Variants in NRP2 observed in about 807,000 individuals in gnomAD.
NRP2 encodes neuropilin-2.
In NRP2, 52 loss-of-function variants were observed where a neutral mutation model predicts 110.4. That is an observed-to-expected ratio of 0.47 (90% CI 0.38 to 0.59). The LOEUF (loss-of-function observed/expected upper bound fraction) is 0.59, where lower values mean the gene tolerates loss of function less well. Ranked by LOEUF, NRP2 falls within the 20% of genes least tolerant of loss-of-function variation. The probability of loss-of-function intolerance (pLI) is 0.00; values close to 1 mark genes in which losing one functional copy is unlikely to be tolerated. For missense variants in NRP2, 1,049 were observed against 1,203.0 expected (o/e 0.87, Z 1.89); for synonymous variants, 508 against 468.9 (o/e 1.08, Z -1.08).
At chr2:205,743,774 GTC>G (rs1369322640) in intron 9 of NRP2, 1 of 945,346 alleles carries the variant, frequency 1.1e-6, no homozygotes, top group East Asian at 2.8e-5. Flanking sequence ...TTGAGATGGA[GTC>G]TCTGTCACCC....
intron 3 of NRP2, chr2:205,722,170 CA>C (rs1212155899): frequency 0.11 from 28,157 of 253,960 alleles, 548 homozygotes; most frequent in African/African-American, 0.14. Context: ...CTCTCTCTCT[CA>C]TACACACACA....
intron 15 of NRP2, among the ~76,000 whole-genome samples, chr2:205,790,278 T>G (rs1334672943): frequency 6.6e-6 from 1 of 152,198 alleles, no homozygotes; most frequent in Non-Finnish European, 1.5e-5. Flanking sequence ...GGCCGTGATC[T>G]CCTGTGATAA....
intron 8 of NRP2, among the ~76,000 whole-genome samples, chr2:205,740,898 C>T (rs1169623210): frequency 1.3e-5 from 2 of 152,210 alleles, no homozygotes; most frequent in African/African-American, 4.8e-5. Context: ...GGTACAGATG[C>T]CATTCTAAGC....
In NRP2 at chr2:205,796,457, CGCAT is replaced by C. The variant is rs923005740; in HGVS notation, c.*1403_*1406del. ...ACACATACACACATGCACGCACGCACGCATGCACACCAATTTATGTTTTTATTAA... is the reference window on the plus strand; with the variant it reads ...ACACATACACACATGCACGCACGCACGCACACCAATTTATGTTTTTATTAA... On this transcript the variant is annotated 3_prime_UTR_variant, in exon 17 of 17. Coordinates refer to ENST00000357785, the MANE Select transcript of NRP2 (RefSeq NM_003872.3). 2 of 152,502 alleles carry C rather than the reference CGCAT, an allele frequency of 1.3e-5. No individual in the cohort carries two copies. Among genetic ancestry groups the C allele is most frequent in the South Asian group, 2.1e-4 (1 of 4,832 alleles). The allele number at this position is 152,502 out of a possible 1,614,324, so 9.4% of individuals were successfully genotyped here.
chr2:205,743,158 C>T (rs752470835), intron 8 of NRP2, 45 bp from the exon 9 acceptor site: 2 of 1,603,044 alleles, frequency 1.2e-6, no homozygotes, highest in Admixed American at 3.3e-5. Flanking sequence ...CCCTGGTTAG[C>T]AGGTGTCAGC....
rs2058344776 is a variant in NRP2 at position 205,795,473 on chromosome 2, C to A, written c.*415C>A. On this transcript the variant is annotated 3_prime_UTR_variant, in exon 17 of 17. Coordinates refer to ENST00000357785, the MANE Select transcript of NRP2 (RefSeq NM_003872.3). ...TCCAGAATAGAAGTGGAGCAGTGATCATTATTCTCCGCTTTCTCTTTCTAA... is the reference window on the plus strand; with the variant it reads ...TCCAGAATAGAAGTGGAGCAGTGATAATTATTCTCCGCTTTCTCTTTCTAA... 6.6e-6 allele frequency: 1 copy of A among 152,226 alleles called. No individual in the cohort carries two copies. The highest frequency in any genetic ancestry group is 2.1e-4 in the South Asian group (1 of 4,814). The allele number at this position is 152,226 out of a possible 1,614,324, so 9.4% of individuals were successfully genotyped here. A position where few individuals can be genotyped will look rare whatever the true frequency, so the allele number is the denominator to read the frequency against.
chr2:205,790,191 T>C (rs1039006591), intron 15 of NRP2, among the ~76,000 whole-genome samples: 1 of 152,250 alleles, frequency 6.6e-6, no homozygotes, highest in Non-Finnish European at 1.5e-5. Flanking sequence ...ATCTGGGCAA[T>C]TGATTTCATT....
At chr2:205,710,611 A>G (rs554420974) in intron 2 of NRP2, among the ~76,000 whole-genome samples, 104 of 152,368 alleles carry the variant, frequency 6.8e-4, no homozygotes, top group African/African-American at 2.5e-3. Flanking sequence ...TACTGAGCCT[A>G]AGGAGCAGGT....
intron 7 of NRP2, among the ~76,000 whole-genome samples, chr2:205,736,829 T>C (rs1294524605): frequency 6.6e-6 from 1 of 152,192 alleles, no homozygotes; most frequent in African/African-American, 2.4e-5. Context: ...ATGCCTAGAC[T>C]GGAAGCCAAG....
Position 205,722,630 on chromosome 2 carries a change from C to G in NRP2, c.586C>G (p.Leu196Val). Residue 196 changes from leucine (L) to valine (V), a missense_variant, in exon 4 of 17, where the codon CTG becomes GTG. Coordinates refer to ENST00000357785, the MANE Select transcript of NRP2 (RefSeq NM_003872.3). ...EIILQFLIFDLEHDPLQVGEG... is the reference protein window; with the variant it reads ...EIILQFLIFDVEHDPLQVGEG... ...CATCCTGCAGTTCCTGATCTTTGAC[C>G]TGGAGCATGACCCTTTGCAGGTGGG... The G allele has an allele frequency of 6.2e-7, 1 of 1,614,230 alleles. No individual in the cohort carries two copies.
At chr2:205,735,496 A>G (rs2057326777) in intron 7 of NRP2, among the ~76,000 whole-genome samples, 1 of 148,244 alleles carries the variant, frequency 6.7e-6, no homozygotes, top group African/African-American at 2.5e-5. Flanking sequence ...ATATTATAGA[A>G]TATATTCTAT....
At chr2:205,770,951 C>G (rs922380490) in intron 15 of NRP2, among the ~76,000 whole-genome samples, 1 of 152,186 alleles carries the variant, frequency 6.6e-6, no homozygotes, top group African/African-American at 2.4e-5. Flanking sequence ...CTGACACGTC[C>G]CCTCTCCATC....
intron 1 of NRP2, among the ~76,000 whole-genome samples, chr2:205,685,568 C>CGCG (rs747450508): frequency 2.0e-4 from 31 of 152,322 alleles, no homozygotes; most frequent in Admixed American, 8.5e-4. Context: ...GGTCGCGGCG[C>CGCG]GCGGCACCTT....
intron 2 of NRP2, among the ~76,000 whole-genome samples, chr2:205,709,879 A>T (rs936965753): frequency 1.3e-5 from 2 of 152,200 alleles, no homozygotes; most frequent in African/African-American, 4.8e-5. Flanking sequence ...TCACATATGG[A>T]TATATATGTG....
At chr2:205,768,437 G>C (rs147720246) in intron 15 of NRP2, 70 of 152,304 alleles carry the variant, frequency 4.6e-4, no homozygotes, top group African/African-American at 1.5e-3. Flanking sequence ...GGGTAAAGAC[G>C]TGCCAGCAGC....
Position 205,682,606 on chromosome 2 carries a change from G to T in NRP2, c.-685G>T. The T allele has an allele frequency of 6.4e-6, 1 of 156,470 alleles. No individual in the cohort carries two copies. The highest frequency in any genetic ancestry group is 1.4e-5 in the Non-Finnish European group (1 of 70,660). The allele number at this position is 156,470 out of a possible 1,614,324, so 9.7% of individuals were successfully genotyped here. A position where few individuals can be genotyped will look rare whatever the true frequency, so the allele number is the denominator to read the frequency against. On this transcript the variant is annotated 5_prime_UTR_variant, in exon 1 of 17. Coordinates refer to ENST00000357785, the MANE Select transcript of NRP2 (RefSeq NM_003872.3). This position sits in a 1 kb window ranked among gnomAD's most constrained non-coding sequence, Gnocchi z 4.3. ...GAGGGCGGGCGCCAGCGAACTCGGA[G>T]AGGGGCTCGCTCACTCCCAGGCGAT...
At chr2:205,717,799 G>A (rs1378705690) in intron 3 of NRP2, among the ~76,000 whole-genome samples, 1 of 152,192 alleles carries the variant, frequency 6.6e-6, no homozygotes, top group South Asian at 2.1e-4. Flanking sequence ...CGAGCAGTGG[G>A]GAGAATAAAA....
chr2:205,684,690 G>A (rs2056103112), intron 1 of NRP2, among the ~76,000 whole-genome samples: 1 of 152,182 alleles, frequency 6.6e-6, no homozygotes, highest in South Asian at 2.1e-4. Flanking sequence ...TGGTCTTCAG[G>A]GCAGCTGCAA....
intron 7 of NRP2, among the ~76,000 whole-genome samples, chr2:205,729,192 G>A (rs1431799721): frequency 2.0e-5 from 3 of 152,182 alleles, no homozygotes; most frequent in African/African-American, 4.8e-5. Flanking sequence ...CTTGGGAAAC[G>A]GGAAAAGGAG....
Sources: gnomAD v4.1 joint callset for allele counts (sites outside exome capture counted in the v4.1 genomes callset) on GRCh38, gnomAD v4.1.1 for gene constraint, Gnocchi (gnomAD v3.1) non-coding constraint, MANE v1.5 for transcripts, NCBI Gene and HGNC (gene_info 2026-07-23, HGNC 2026-07-21) for gene names.